Variants in DLG2 observed in about 807,000 individuals in gnomAD.
The protein encoded by DLG2 is disks large homolog 2.
In DLG2, 45 loss-of-function variants were observed where a neutral mutation model predicts 132.5. That is an observed-to-expected ratio of 0.34 (90% confidence interval 0.27 to 0.44). DLG2 has a LOEUF of 0.44. Ranked by LOEUF, DLG2 falls within the 20% of genes least tolerant of loss-of-function variation. The pLI is 1.00. For missense variants in DLG2, 1,045 were observed against 1,196.9 expected (o/e 0.87, Z 1.87); for synonymous variants, 424 against 419.6 (o/e 1.01, Z -0.13).
rs538627807 is a variant in DLG2, at chr11:85,065,514, G to A, written c.357+46147C>T. Reference sequence around the variant, plus strand: ...AAGGCAAATTCCGGATTTAAAACCAGGTTTCACAATCTACATATCCAGCTT... The same window carrying A: ...AAGGCAAATTCCGGATTTAAAACCAAGTTTCACAATCTACATATCCAGCTT... On this transcript the variant is annotated intron_variant, in intron 6 of 27. Transcript: ENST00000376104. 1.3e-3 allele frequency among the ~76,000 whole-genome samples: 201 copies of A among 150,808 alleles called. 1 individual carries two copies. The highest frequency in any genetic ancestry group is 4.6e-3 in the African/African-American group (188 of 41,248).
chr11:84,693,882 T>C (rs1030425563), intron 6 of DLG2, among the ~76,000 whole-genome samples: 6 of 151,736 alleles, frequency 4.0e-5, no homozygotes, highest in African/African-American at 1.2e-4. Flanking sequence ...TCTTCAAGAT[T>C]ACATTCAGGT....
At chr11:85,034,553 G>A (rs2061297520) in intron 6 of DLG2, among the ~76,000 whole-genome samples, 1 of 152,188 alleles carries the variant, frequency 6.6e-6, no homozygotes, top group South Asian at 2.1e-4. Context: ...CAAGGAGAAA[G>A]AAGTCGAGGC....
Position 83,936,170 on chromosome 11 carries a change from A to C in DLG2, c.1341-5687T>G, listed in dbSNP as rs117389922. On this transcript the variant is annotated intron_variant, in intron 14 of 27. Coordinates refer to ENST00000376104, the MANE Select transcript of DLG2 (RefSeq NM_001142699.3). ...AGTTCACACGATAGCACTTTCATGT[A>C]ATGTGAATTCTCTACAAGAGGGTTG... Among the ~76,000 whole-genome samples, 552 of 152,362 alleles carry C rather than the reference A, an allele frequency of 3.6e-3. 2 individuals are homozygous for C. Among genetic ancestry groups the C allele is most frequent in the Non-Finnish European group, 6.6e-3 (448 of 68,036 alleles).
rs372845755 is a variant in DLG2, at chr11:85,364,865, C to A, written c.41-79500G>T. The stretch of plus-strand genomic sequence containing the variant: ...ACATAGTTTTTTTGTTTTTCCCTAT[C>A]CTTCTGAGCTTTTTTTTTTGGTTCA... On this transcript the variant is annotated intron_variant, in intron 3 of 27. Transcript: ENST00000376104. Among the ~76,000 whole-genome samples the A allele has an allele frequency of 2.6e-5, 4 of 151,870 alleles. No homozygotes were observed. The East Asian group carries it at 5.8e-4, about 22-fold the overall frequency.
chr11:84,534,699 A>T lies in DLG2; in HGVS notation c.390T>A (p.His130Gln). Residue 130 changes from histidine to glutamine, a missense_variant, in exon 7 of 28, where the codon CAT (histidine) becomes CAA (glutamine). Physicochemically the swap from His to Gln is conservative, Grantham distance 24. Transcript: ENST00000376104. ...KYRYQDEDAP[H>Q]DHSLPRLTHE... ...GGGTTAGTCGAGGTAAGGAATGATC[A>T]TGTGGAGCGTCCTCATCTTGATATC... 1 of 1,614,092 alleles carries T rather than the reference A, an allele frequency of 6.2e-7. No individual in the cohort carries two copies. Among genetic ancestry groups the T allele is most frequent in the Non-Finnish European group, 8.5e-7 (1 of 1,179,944 alleles).
chr11:84,761,799 T>C (rs1326768493), intron 6 of DLG2, among the ~76,000 whole-genome samples: 1 of 152,174 alleles, frequency 6.6e-6, no homozygotes, highest in African/African-American at 2.4e-5. Context: ...GCAGAGGGCC[T>C]ATTCTGGGAC....
At chr11:84,576,508 G>C (rs2099500447) in intron 6 of DLG2, among the ~76,000 whole-genome samples, 1 of 152,158 alleles carries the variant, frequency 6.6e-6, no homozygotes, top group South Asian at 2.1e-4. Flanking sequence ...CAGAGAAAGA[G>C]GGTAAGTTTT....
chr11:85,401,870 G>T (rs1335803833), intron 3 of DLG2, among the ~76,000 whole-genome samples: 1 of 152,092 alleles, frequency 6.6e-6, no homozygotes, highest in African/African-American at 2.4e-5. Flanking sequence ...AACATTCCAT[G>T]CTCATGGATA....
chr11:84,710,379 G>A (rs1414090431), intron 6 of DLG2, among the ~76,000 whole-genome samples: 1 of 151,930 alleles, frequency 6.6e-6, no homozygotes, highest in Non-Finnish European at 1.5e-5. Flanking sequence ...TAATGGACAA[G>A]TGTACCTACA....
At chr11:84,510,726 A>G (rs2099254865) in intron 7 of DLG2, among the ~76,000 whole-genome samples, 1 of 152,168 alleles carries the variant, frequency 6.6e-6, no homozygotes, top group Admixed American at 6.6e-5. Flanking sequence ...GAAGGAAGAC[A>G]ATGTTTTATT....
At position 85,602,472 on chromosome 11, in the gene DLG2, T is replaced by A. The variant is rs146357313; in HGVS notation, c.-92-3684A>T. On this transcript the variant is annotated intron_variant, in intron 2 of 27. Coordinates refer to ENST00000376104, the MANE Select transcript of DLG2 (RefSeq NM_001142699.3). Reference sequence around the variant, plus strand: ...GCAGGATCTCTCTCTGTCACCCAGATGGGAATGTAGTGGGGCAATCACTGC... The same window carrying A: ...GCAGGATCTCTCTCTGTCACCCAGAAGGGAATGTAGTGGGGCAATCACTGC... 5.4e-3 allele frequency among the ~76,000 whole-genome samples: 815 copies of A among 152,242 alleles called. 9 individuals carry two copies. Among genetic ancestry groups the A allele is most frequent in the African/African-American group, 0.018 (756 of 41,536 alleles).
chr11:84,044,586 G>C (rs1191520746), intron 11 of DLG2, among the ~76,000 whole-genome samples: 1 of 151,662 alleles, frequency 6.6e-6, no homozygotes, highest in East Asian at 1.9e-4. Flanking sequence ...TTTCTTGTAA[G>C]ACCCCAATTC....
intron 17 of DLG2, among the ~76,000 whole-genome samples, chr11:83,812,977 C>A (rs978970881): frequency 9.2e-5 from 14 of 152,192 alleles, no homozygotes; most frequent in African/African-American, 3.4e-4. Flanking sequence ...GGCAGGACCA[C>A]TTGCTTTGTG....
chr11:85,556,230 T>C (rs2153222447), intron 3 of DLG2, among the ~76,000 whole-genome samples: 1 of 152,002 alleles, frequency 6.6e-6, no homozygotes, highest in Non-Finnish European at 1.5e-5. Flanking sequence ...TAAAATCTTA[T>C]TATGTAATCT....
At chr11:84,939,208 C>CA (rs551221722) in intron 6 of DLG2, among the ~76,000 whole-genome samples, 45 of 151,818 alleles carry the variant, frequency 3.0e-4, no homozygotes, top group Non-Finnish European at 5.4e-4. Flanking sequence ...CCTGACTATA[C>CA]AAAAAAATGG....
At chr11:84,686,813 A>C (rs2099738645) in intron 6 of DLG2, 1 of 152,120 alleles carries the variant, frequency 6.6e-6, no homozygotes, top group African/African-American at 2.4e-5. Context: ...GAAAAAAAGA[A>C]GAAAGCCAAG....
At chr11:84,263,011 T>G (rs2097567531) in intron 7 of DLG2, among the ~76,000 whole-genome samples, 1 of 152,154 alleles carries the variant, frequency 6.6e-6, no homozygotes, top group African/African-American at 2.4e-5. Context: ...CACACTCCAG[T>G]CAAGGAATTA....
At chr11:83,928,836 G>T (rs1373920289) in intron 15 of DLG2, among the ~76,000 whole-genome samples, 1 of 152,118 alleles carries the variant, frequency 6.6e-6, no homozygotes. Context: ...GCACAGAAGA[G>T]CTCAATAAAT....
At chr11:84,159,601 G>A (rs896626806) in intron 9 of DLG2, among the ~76,000 whole-genome samples, 2 of 152,130 alleles carry the variant, frequency 1.3e-5, no homozygotes, top group Admixed American at 1.3e-4. Context: ...AGAGGAGCAG[G>A]TGTCACATTA....
Sources: gnomAD v4.1 joint callset for allele counts (sites outside exome capture counted in the v4.1 genomes callset) on GRCh38, gnomAD v4.1.1 for gene constraint, MANE v1.5 for transcripts, NCBI Gene and HGNC (gene_info 2026-07-23, HGNC 2026-07-21) for gene names.